The following NRG1 variants were observed in gnomAD, a reference collection of about 807,000 sequenced individuals.
NRG1 encodes neuregulin 1, also known as pro-neuregulin-1, membrane-bound isoform.
In NRG1, 18 loss-of-function variants were observed where a neutral mutation model predicts 63.8. That is an observed-to-expected ratio of 0.28 (90% CI 0.19 to 0.42). NRG1 has a LOEUF of 0.42. NRG1 is among the 10% of genes least tolerant of loss of function. The pLI is 1.00. For missense variants in NRG1, 762 were observed against 814.7 expected (o/e 0.94, Z 0.79); for synonymous variants, 302 against 301.3 (o/e 1.00, Z -0.02).
At chr8:32,609,302 G>T (rs1845882697) in intron 3 of NRG1, among the ~76,000 whole-genome samples, 1 of 152,088 alleles carries the variant, frequency 6.6e-6, no homozygotes, top group African/African-American at 2.4e-5. Flanking sequence ...TTCAATGCTT[G>T]GTTGTCAAAG....
chr8:32,594,812 T>G lies in NRG1; in HGVS notation c.101-1016T>G, dbSNP rs150377165. Among the ~76,000 whole-genome samples the G allele has an allele frequency of 8.5e-5, 13 of 152,320 alleles. No individual in the cohort carries two copies. The East Asian group carries it at 2.5e-3, about 29-fold the overall frequency. ...ATCCAATCAAAGAGAGAATTTGTTG[T>G]GAGTAGTGGTCATCTGGAATGGTCC... On this transcript the variant is annotated intron_variant, in intron 1 of 11. Coordinates refer to ENST00000356819, the Ensembl canonical transcript of NRG1.
intron 1 of NRG1, among the ~76,000 whole-genome samples, chr8:32,151,310 G>A (rs1321748283): frequency 1.3e-5 from 2 of 152,216 alleles, no homozygotes; most frequent in East Asian, 3.9e-4. Context: ...AAGGACCTGA[G>A]GATTCTGTTT....
chr8:32,005,500 A>G (rs189812048), intron 1 of NRG1, among the ~76,000 whole-genome samples: 1 of 152,046 alleles, frequency 6.6e-6, no homozygotes, highest in Non-Finnish European at 1.5e-5. Context: ...AATCTTTCAA[A>G]ATAATAATTG....
At chr8:31,967,339 T>C (rs1437204273) in intron 1 of NRG1, among the ~76,000 whole-genome samples, 3 of 152,100 alleles carry the variant, frequency 2.0e-5, no homozygotes, top group Non-Finnish European at 4.4e-5. Context: ...TATTCTTTCT[T>C]GGAGGCATGG....
chr8:31,971,392 G>A (rs1386948237), intron 1 of NRG1, among the ~76,000 whole-genome samples: 1 of 151,988 alleles, frequency 6.6e-6, no homozygotes, highest in Non-Finnish European at 1.5e-5. Flanking sequence ...TTTGTGTTTA[G>A]GTCTCCCGTG....
At chr8:32,179,264 A>G (rs990615144) in intron 1 of NRG1, among the ~76,000 whole-genome samples, 7 of 151,194 alleles carry the variant, frequency 4.6e-5, no homozygotes, top group Admixed American at 4.6e-4. Flanking sequence ...TTAGGGACAG[A>G]GCTCAGAGAG....
intron 1 of NRG1, among the ~76,000 whole-genome samples, chr8:31,933,169 T>G (rs1423429877): frequency 1.3e-5 from 2 of 152,184 alleles, no homozygotes; most frequent in African/African-American, 4.8e-5. Context: ...TCTACTCGTG[T>G]TTTTTAAAGG....
intron 1 of NRG1, among the ~76,000 whole-genome samples, chr8:31,777,964 G>T (rs1329279830): frequency 6.6e-6 from 1 of 152,092 alleles, no homozygotes; most frequent in Non-Finnish European, 1.5e-5. Context: ...TTCAACATAA[G>T]GTATGGAGGG....
At chr8:32,625,621 T>A (rs774021497) in intron 5 of NRG1, among the ~76,000 whole-genome samples, 14 of 152,146 alleles carry the variant, frequency 9.2e-5, no homozygotes, top group Non-Finnish European at 1.9e-4. Context: ...ACTATTCTCA[T>A]TATTTCAATG....
In NRG1 at chr8:32,182,924, G is replaced by A. The variant is rs529329950; in HGVS notation, c.38-412904G>A. ...TTTCAAAACGTTTCATTTTTCCTCCGTAAAATTTATTTCTATCAAGGAAAT... is the reference window on the plus strand; with the variant it reads ...TTTCAAAACGTTTCATTTTTCCTCCATAAAATTTATTTCTATCAAGGAAAT... On this transcript the variant is annotated intron_variant, in intron 1 of 10. Coordinates refer to the NRG1 transcript ENST00000519301. Among the ~76,000 whole-genome samples, 39 of 152,032 alleles carry A rather than the reference G, an allele frequency of 2.6e-4. 1 individual carries two copies. Among genetic ancestry groups the A allele is most frequent in the Non-Finnish European group, 3.5e-4 (24 of 67,966 alleles).
At chr8:32,756,856 A>T (rs140133101) in intron 9 of NRG1, among the ~76,000 whole-genome samples, 1 of 152,268 alleles carries the variant, frequency 6.6e-6, no homozygotes, top group Non-Finnish European at 1.5e-5. Context: ...AATCAAAAAG[A>T]ATGTTTTCAT....
intron 1 of NRG1, among the ~76,000 whole-genome samples, chr8:32,557,151 G>A (rs1471246576): frequency 2.6e-5 from 4 of 152,040 alleles, no homozygotes; most frequent in East Asian, 1.9e-4. Flanking sequence ...GACTACAGGC[G>A]CCTGCCACCA....
chr8:31,671,878 T>C (rs1365911116), intron 1 of NRG1, among the ~76,000 whole-genome samples: 2 of 152,080 alleles, frequency 1.3e-5, no homozygotes, highest in African/African-American at 2.4e-5. Flanking sequence ...AAAATAGAGC[T>C]GTTCTCAAGA....
At chr8:31,917,912 G>A (rs1296216118) in intron 1 of NRG1, among the ~76,000 whole-genome samples, 1 of 152,106 alleles carries the variant, frequency 6.6e-6, no homozygotes, top group Non-Finnish European at 1.5e-5. Flanking sequence ...TCCTTGAAGA[G>A]GTCCTTCACA....
At chr8:32,677,269 A>C (rs1459109285) in intron 5 of NRG1, among the ~76,000 whole-genome samples, 1 of 152,150 alleles carries the variant, frequency 6.6e-6, no homozygotes, top group East Asian at 1.9e-4. Context: ...AAGTCAGATA[A>C]TTTTAGGAAA....
intron 1 of NRG1, among the ~76,000 whole-genome samples, chr8:32,044,913 C>CAAAAAAAAAAAAAAAAAAAAAA: frequency 2.0e-3 from 115 of 57,120 alleles, no homozygotes; most frequent in Non-Finnish European, 2.6e-3. Context: ...TAAAGAAAAG[C>CAAAAAAAAAAAAAAAAAAAAAA]AAAAAAAAAA....
intron 1 of NRG1, among the ~76,000 whole-genome samples, chr8:32,560,970 A>G (rs1436869831): frequency 1.8e-4 from 28 of 152,178 alleles, no homozygotes; most frequent in Non-Finnish European, 1.5e-5. Context: ...GTACTGCCTA[A>G]AAAGTAAGGT....
intron 1 of NRG1, among the ~76,000 whole-genome samples, chr8:31,959,559 A>G (rs1364034681): frequency 6.6e-6 from 1 of 152,018 alleles, no homozygotes; most frequent in South Asian, 2.1e-4. Context: ...CCCCGTCTTG[A>G]TGGGTCATGA....
intron 1 of NRG1, among the ~76,000 whole-genome samples, chr8:32,129,076 T>G (rs1834468115): frequency 6.6e-6 from 1 of 151,920 alleles, no homozygotes; most frequent in African/African-American, 2.4e-5. Context: ...CTGGACCATG[T>G]TTTATCCTAT....
Sources: gnomAD v4.1 joint callset for allele counts (sites outside exome capture counted in the v4.1 genomes callset) on GRCh38, gnomAD v4.1.1 for gene constraint, MANE v1.5 for transcripts, NCBI Gene and HGNC (gene_info 2026-07-23, HGNC 2026-07-21) for gene names.